The following SRC variants were observed in gnomAD, a reference collection of about 807,000 sequenced individuals.
SRC encodes the protein SRC proto-oncogene, non-receptor tyrosine kinase, also known as proto-oncogene tyrosine-protein kinase Src.
In SRC, 13 loss-of-function variants were observed where a neutral mutation model predicts 62.9. The ratio of observed to expected loss-of-function variants is 0.21; its 90% CI spans 0.13 to 0.33. The LOEUF (loss-of-function observed/expected upper bound fraction) is 0.33, where lower values mean the gene tolerates loss of function less well. SRC is among the 10% of genes least tolerant of loss of function. The probability of loss-of-function intolerance (pLI) is 1.00; values close to 1 mark genes in which losing one functional copy is unlikely to be tolerated. For synonymous variants in SRC, 302 were observed against 317.5 expected, an observed-to-expected ratio of 0.95 and a Z score of 0.52; for missense variants, 457 against 737.3, an observed-to-expected ratio of 0.62 and a Z score of 4.40.
At chr20:37,360,457 C>T (rs975905225) in intron 1 of SRC, among the ~76,000 whole-genome samples, 2 of 152,080 alleles carry the variant, frequency 1.3e-5, no homozygotes, top group African/African-American at 4.8e-5. Flanking sequence ...ATTCCTGAGT[C>T]AATTCCTGAC....
chr20:37,395,229 A>G (rs892433910), intron 7 of SRC, among the ~76,000 whole-genome samples: 16 of 152,158 alleles, frequency 1.1e-4, no homozygotes, highest in African/African-American at 2.9e-4. Context: ...CAGGCTGGCC[A>G]CTTCCCTCTC....
intron 2 of SRC, among the ~76,000 whole-genome samples, chr20:37,372,691 C>T (rs1242430740): frequency 6.6e-6 from 1 of 151,986 alleles, no homozygotes; most frequent in African/African-American, 2.4e-5. Flanking sequence ...TTGCATTTAT[C>T]TTATGAGTGA....
chr20:37,397,616 G>T lies in SRC; in HGVS notation c.704-83G>T. On this transcript the variant is annotated intron_variant, in intron 8 of 13. Coordinates refer to ENST00000373578, the MANE Select transcript of SRC (RefSeq NM_198291.3). This position sits in a 1 kb window ranked among gnomAD's most constrained non-coding sequence, Gnocchi z 4.1. ...GTCCCCTGAAATCTGTGTGCATCTGGCATGTAGGGCGACACACACTGAGGG... is the reference window on the plus strand; with the variant it reads ...GTCCCCTGAAATCTGTGTGCATCTGTCATGTAGGGCGACACACACTGAGGG... The T allele has an allele frequency of 6.9e-7, 1 of 1,444,844 alleles. No individual in the cohort carries two copies. The allele number at this position is 1,444,844 out of a possible 1,614,324, so 89.5% of individuals were successfully genotyped here.
At chr20:37,377,370 T>C (rs181082043) in intron 2 of SRC, among the ~76,000 whole-genome samples, 1 of 152,224 alleles carries the variant, frequency 6.6e-6, no homozygotes, top group Non-Finnish European at 1.5e-5. Context: ...CAGCCAGGAC[T>C]CGAACCCAGG....
In SRC at chr20:37,382,322, C is replaced by T. The variant is rs116716366; in HGVS notation, c.-172-297C>T. Among the ~76,000 whole-genome samples the T allele has an allele frequency of 2.7e-3, 417 of 152,306 alleles. 4 individuals carry two copies. Among genetic ancestry groups the T allele is most frequent in the African/African-American group, 9.6e-3 (399 of 41,562 alleles). Reference sequence around the variant, plus strand: ...GAAACGGCACAGAGAGAAGTTAAGTCACATGCCTAAGGTTACACAGCTATT... The same window carrying T: ...GAAACGGCACAGAGAGAAGTTAAGTTACATGCCTAAGGTTACACAGCTATT... On this transcript the variant is annotated intron_variant, in intron 2 of 13. Coordinates refer to ENST00000373578, the MANE Select transcript of SRC (RefSeq NM_198291.3).
At position 37,396,343 on chromosome 20, in the gene SRC, G is replaced by A. The variant is rs368787819; in HGVS notation, c.703+32G>A. ...CAGCCTCGGAGGGCGGAGGGCGGGC[G>A]GGCAAAGCCTCAGCTGCAGACTCTG... On this transcript the variant is annotated intron_variant, in intron 8 of 13. Coordinates refer to ENST00000373578, the MANE Select transcript of SRC (RefSeq NM_198291.3). This position sits in a 1 kb window ranked among gnomAD's most constrained non-coding sequence, Gnocchi z 6.1. The A allele has an allele frequency of 6.6e-5, 107 of 1,609,394 alleles. No homozygotes were observed. In the African/African-American group the frequency reaches 1.0e-3, roughly 15 times the overall value.
chr20:37,355,999 G>A (rs182273764), intron 1 of SRC, among the ~76,000 whole-genome samples: 8 of 152,270 alleles, frequency 5.3e-5, no homozygotes, highest in Admixed American at 2.6e-4. Flanking sequence ...CAGGTGTGGA[G>A]GACAGAGAAG....
rs539238696 is a variant in SRC, at chr20:37,378,225, C to T, written c.-172-4394C>T. Among the ~76,000 whole-genome samples, 22 of 144,198 alleles carry T rather than the reference C, an allele frequency of 1.5e-4. No individual in the cohort carries two copies. In the East Asian group the frequency reaches 3.0e-3, roughly 20 times the overall value. 94.6% of individuals were successfully genotyped at this position (144,198 alleles called of 152,430 possible). On this transcript the variant is annotated intron_variant, in intron 2 of 13. Transcript: ENST00000373578. ...TCATCCAGGCTGGAGTGCAGTGGCG[C>T]GATGATAGCTCACTGCAGCCTCAAA...
chr20:37,402,554 G>T lies in SRC; in HGVS notation c.1236G>T (p.Arg412=). The T allele has an allele frequency of 1.2e-6, 2 of 1,613,886 alleles. No individual in the cohort carries two copies. The highest frequency in any genetic ancestry group is 1.7e-6 in the Non-Finnish European group (2 of 1,179,928). ...AAGTGGCGGACTTTGGGCTGGCTCG[G>T]CTCATTGAAGACAATGAGTACACGG... ...VCKVADFGLA[R]LIEDNEYTAR... The change falls in exon 12 of 14, where the codon CGG becomes CGT. Residue 412 remains arginine (R), a synonymous_variant. Coordinates refer to ENST00000373578, the MANE Select transcript of SRC (RefSeq NM_198291.3). This position sits in a 1 kb window ranked among gnomAD's most constrained non-coding sequence, Gnocchi z 6.2.
At chr20:37,394,599 C>T (rs991172413) in intron 7 of SRC, among the ~76,000 whole-genome samples, 2 of 152,092 alleles carry the variant, frequency 1.3e-5, no homozygotes, top group African/African-American at 2.4e-5. Flanking sequence ...CAATGAGCCC[C>T]GCTTCTTCCT....
Position 37,402,325 on chromosome 20 carries a change from G to A in SRC, c.1117-110G>A. On this transcript the variant is annotated intron_variant, in intron 11 of 13. Transcript: ENST00000373578. The surrounding 1 kb of genome is among the most constrained non-coding windows in gnomAD (Gnocchi z 6.2). ...GAACTGACCTCACTTGCCTGAAGAA[G>A]TGTGGGGAGGGTGGGGAAGGGGTGG... 1 of 1,368,408 alleles carries A rather than the reference G, an allele frequency of 7.3e-7. No individual in the cohort carries two copies. Among genetic ancestry groups the A allele is most frequent in the South Asian group, 1.3e-5 (1 of 74,124 alleles). The allele number at this position is 1,368,408 out of a possible 1,614,324, so 84.8% of individuals were successfully genotyped here.
chr20:37,382,499 G>C (rs191082505), intron 2 of SRC, 120 bp from the exon 3 acceptor site: 1 of 152,350 alleles, frequency 6.6e-6, no homozygotes, highest in Admixed American at 6.5e-5. Flanking sequence ...CTCTTAGCAC[G>C]GGCCTGCTAG....
In SRC at chr20:37,405,823, T is replaced by TG. The variant is rs2147137178; in HGVS notation, c.*2445dup. The TG allele has an allele frequency of 6.6e-6, 1 of 152,084 alleles. No homozygotes were observed. 9.4% of individuals were successfully genotyped at this position (152,084 alleles called of 1,614,324 possible). On this transcript the variant is annotated 3_prime_UTR_variant, in exon 14 of 14. Coordinates refer to ENST00000373578, the MANE Select transcript of SRC (RefSeq NM_198291.3). ...GTTTCCTAGGAGTGCAGGGCAGGGG[T>TG]GCTGGGTCGATCCACAAAAGTCCTG...
rs1405253806 is a variant in SRC at position 37,403,276 on chromosome 20, G to A, written c.1508G>A (p.Arg503Gln). The change falls in exon 14 of 14, where the codon CGG becomes CAG. Residue 503 changes from arginine to glutamine, a missense_variant. Physicochemically the swap from Arg to Gln is conservative, Grantham distance 43 (BLOSUM62 1). Coordinates refer to ENST00000373578, the MANE Select transcript of SRC (RefSeq NM_198291.3). The surrounding 1 kb of genome is among the most constrained non-coding windows in gnomAD (Gnocchi z 7.1). ...SLHDLMCQCW[R>Q]KEPEERPTFE... is the part of the protein sequence containing the mutation. ...CACGACCTCATGTGCCAGTGCTGGC[G>A]GAAGGAGCCTGAGGAGCGGCCCACC... 9.4e-6 allele frequency: 15 copies of A among 1,599,150 alleles called. No homozygotes were observed. Among genetic ancestry groups the A allele is most frequent in the African/African-American group, 1.3e-5 (1 of 74,742 alleles).
At chr20:37,386,528 G>T (rs1348649018) in intron 5 of SRC, 3 of 706,768 alleles carry the variant, frequency 4.2e-6, no homozygotes, top group African/African-American at 1.8e-5. Context: ...TTCGCGGGGG[G>T]TGGGGGCTGC....
rs2070595587 is a variant in SRC at position 37,393,979 on chromosome 20, C to T, written c.435C>T (p.Ser145=). The T allele has an allele frequency of 6.2e-7, 1 of 1,613,878 alleles. No individual in the cohort carries two copies. The highest frequency in any genetic ancestry group is 1.3e-5 in the African/African-American group (1 of 74,934). Residue 145 remains serine, a synonymous_variant, in exon 6 of 14, where the codon TCC becomes TCT. Transcript: ENST00000373578. ...IPSNYVAPSD[S]IQAEEWYFGK... is the part of the protein sequence containing the mutation. Reference sequence around the variant, plus strand: ...GCAACTACGTGGCGCCCTCCGACTCCATCCAGGCTGAGGAGTGAGTACCGT... The same window carrying T: ...GCAACTACGTGGCGCCCTCCGACTCTATCCAGGCTGAGGAGTGAGTACCGT...
intron 2 of SRC, among the ~76,000 whole-genome samples, chr20:37,379,090 C>T (rs1047433796): frequency 2.0e-5 from 3 of 152,026 alleles, no homozygotes; most frequent in Non-Finnish European, 2.9e-5. Flanking sequence ...GCACTGGGAA[C>T]GCCGAGGGAA....
rs1294507121 is a variant in SRC, at chr20:37,384,309, G to A, written c.156G>A (p.Ala52=). 1.4e-6 allele frequency: 2 copies of A among 1,470,520 alleles called. No homozygotes were observed. Among genetic ancestry groups the A allele is most frequent in the East Asian group, 3.0e-5 (1 of 33,342 alleles). The allele number at this position is 1,470,520 out of a possible 1,614,324, so 91.1% of individuals were successfully genotyped here. ...ASADGHRGPS[A]AFAPAAAEPK... ...CCGACGGCCACCGCGGCCCCAGCGCGGCCTTCGCCCCCGCGGCCGCCGAGC... is the reference window on the plus strand; with the variant it reads ...CCGACGGCCACCGCGGCCCCAGCGCAGCCTTCGCCCCCGCGGCCGCCGAGC... The change falls in exon 4 of 14, where the codon GCG becomes GCA. Residue 52 remains alanine (A), a synonymous_variant. Transcript: ENST00000373578. The surrounding 1 kb of genome is among the most constrained non-coding windows in gnomAD (Gnocchi z 6.7).
chr20:37,403,350 C>T lies in SRC; in HGVS notation c.1582C>T (p.Pro528Ser), dbSNP rs1177310598. 6.2e-7 allele frequency: 1 copy of T among 1,606,256 alleles called. No homozygotes were observed. ...GGAGGACTACTTCACGTCCACCGAGCCCCAGTACCAGCCCGGGGAGAACCT... is the reference window on the plus strand; with the variant it reads ...GGAGGACTACTTCACGTCCACCGAGTCCCAGTACCAGCCCGGGGAGAACCT... ...FLEDYFTSTEPQYQPGENL is the reference protein window; with the variant it reads ...FLEDYFTSTESQYQPGENL The change falls in exon 14 of 14, where the codon CCC (proline) becomes TCC (serine). Residue 528 changes from proline (P) to serine (S), a missense_variant. Around this residue, in one of 4 missense-constraint regions of SRC, gnomAD observed 168 missense variants for 357.8 expected, o/e 0.47. Transcript: ENST00000373578. The surrounding 1 kb of genome is among the most constrained non-coding windows in gnomAD (Gnocchi z 7.1).
Sources: gnomAD v4.1 joint callset for allele counts (sites outside exome capture counted in the v4.1 genomes callset) on GRCh38, gnomAD v4.1.1 for gene constraint, gnomAD v4.1.1 regional missense constraint, Gnocchi (gnomAD v3.1) non-coding constraint, MANE v1.5 for transcripts, NCBI Gene and HGNC (gene_info 2026-07-23, HGNC 2026-07-21) for gene names.